The following TBX1 variants were observed in gnomAD, a reference collection of about 807,000 sequenced individuals.
TBX1 encodes T-box transcription factor 1.
TBX1 carries 16 observed loss-of-function variants against 40.8 expected under a neutral mutation model. That is an observed-to-expected ratio of 0.39 (90% CI 0.27 to 0.60). The LOEUF (loss-of-function observed/expected upper bound fraction) is 0.60, where lower values mean the gene tolerates loss of function less well. Among genes scored for constraint, TBX1 ranks in the 20% least tolerant of loss-of-function variants. TBX1 has a pLI of 0.51. For synonymous variants in TBX1, 403 were observed against 336.8 expected (o/e 1.20, Z -2.15); for missense variants, 755 against 728.5 (o/e 1.04, Z -0.42).
chr22:19,763,386 G>A (rs1936731085), intron 2 of TBX1, 44 bp downstream of exon 2: 1 of 1,589,164 alleles, frequency 6.3e-7, no homozygotes, highest in Non-Finnish European at 8.6e-7. Flanking sequence ...AGGGCACCCT[G>A]GAAAGTGGCG....
At chr22:19,772,398 G>A (rs771768957) in intron 8 of TBX1, among the ~76,000 whole-genome samples, 27 of 152,068 alleles carry the variant, frequency 1.8e-4, no homozygotes, top group African/African-American at 1.7e-4. Flanking sequence ...CTCGAACTCC[G>A]GGGCTCAAGC....
Position 19,766,887 on chromosome 22 carries a change from C to T in TBX1, c.*20C>T, listed in dbSNP as rs1235786997. On this transcript the variant is annotated 3_prime_UTR_variant, in exon 7 of 7. Coordinates refer to ENST00000649276, the MANE Select transcript of TBX1 (RefSeq NM_001379200.1). ...AGATAACACGGGCCCTGTCGCGCTC[C>T]CGCCCCGGTCCTGCACAGCCCCGAA... The T allele has an allele frequency of 1.9e-6, 3 of 1,583,308 alleles. No homozygotes were observed. Among genetic ancestry groups the T allele is most frequent in the Non-Finnish European group, 2.6e-6 (3 of 1,173,036 alleles).
At position 19,761,171 on chromosome 22, in the gene TBX1, G is replaced by A. The variant is rs1221938042; in HGVS notation, c.328G>A (p.Val110Met). The A allele has an allele frequency of 2.0e-6, 3 of 1,528,308 alleles. No individual in the cohort carries two copies. Among genetic ancestry groups the A allele is most frequent in the Non-Finnish European group, 1.8e-6 (2 of 1,134,596 alleles). The allele number at this position is 1,528,308 out of a possible 1,614,324, so 94.7% of individuals were successfully genotyped here. The change falls in exon 1 of 7, where the codon GTG becomes ATG. Residue 110 changes from valine to methionine, a missense_variant. Coordinates refer to ENST00000649276, the MANE Select transcript of TBX1 (RefSeq NM_001379200.1). ...CTGCGCGGCCGCAGCCAAGGCGCCG[G>A]TGAAGAAGAACGCGAAGGTGGCCGG... ...ASCAAAAKAP[V>M]KKNAKVAGVS...
chr22:19,759,209 A>C (rs766879318), upstream of TBX1, among the ~76,000 whole-genome samples: 1 of 152,216 alleles, frequency 6.6e-6, no homozygotes, highest in Non-Finnish European at 1.5e-5. Flanking sequence ...GGGATGTTCA[A>C]GGGGCGTTGG....
downstream of TBX1, among the ~76,000 whole-genome samples, chr22:19,768,927 G>T (rs1477451352): frequency 6.8e-6 from 1 of 147,382 alleles, no homozygotes; most frequent in African/African-American, 2.5e-5. Context: ...CAGGGCCGCC[G>T]CTGGCCATCC....
In TBX1 at chr22:19,763,304, G is replaced by A. The variant is rs769796903; in HGVS notation, c.501G>A (p.Leu167=). Residue 167 remains leucine (L), a synonymous_variant, in exon 2 of 7, where the codon CTG becomes CTA. Coordinates refer to ENST00000649276, the MANE Select transcript of TBX1 (RefSeq NM_001379200.1). ...FGMDPMADYM[L]LMDFVPVDDK... is the part of the protein sequence containing the mutation. ...TGGATCCCATGGCCGACTATATGCT[G>A]CTCATGGACTTCGTGCCGGTGGACG... The A allele has an allele frequency of 1.2e-6, 2 of 1,614,226 alleles. No homozygotes were observed. The highest frequency in any genetic ancestry group is 1.7e-5 in the Admixed American group (1 of 60,030).
Position 19,767,191 on chromosome 22 carries a change from G to T in TBX1, c.*324G>T. 9.0e-7 allele frequency: 1 copy of T among 1,116,654 alleles called. No homozygotes were observed. The highest frequency in any genetic ancestry group is 1.1e-6 in the Non-Finnish European group (1 of 914,854). The allele number at this position is 1,116,654 out of a possible 1,614,324, so 69.2% of individuals were successfully genotyped here. ...GATATTTATTGTTCTCCCCGAGACCGCGTCGCCCGCGGCCCGGCCGGCAGT... is the reference window on the plus strand; with the variant it reads ...GATATTTATTGTTCTCCCCGAGACCTCGTCGCCCGCGGCCCGGCCGGCAGT... On this transcript the variant is annotated 3_prime_UTR_variant, in exon 7 of 7. Coordinates refer to ENST00000649276, the MANE Select transcript of TBX1 (RefSeq NM_001379200.1).
chr22:19,763,363 G>T lies in TBX1; in HGVS notation c.539+21G>T, dbSNP rs768559604. 3.7e-6 allele frequency: 6 copies of T among 1,612,216 alleles called. No homozygotes were observed. The African/African-American group carries it at 8.0e-5, about 22-fold the overall frequency. The stretch of plus-strand genomic sequence containing the variant: ...TACCGGTGAGCGAGTGGTTGTAAGC[G>T]TGAGGGACCGGGAGGGCACCCTGGA... On this transcript the variant is annotated intron_variant, in intron 2 of 6. Transcript: ENST00000649276.
chr22:19,757,035 G>A (rs1018105237), upstream of TBX1, among the ~76,000 whole-genome samples: 1 of 152,174 alleles, frequency 6.6e-6, no homozygotes, highest in Non-Finnish European at 1.5e-5. Context: ...AGGCTGGGAC[G>A]GCCTCGCGCT....
rs777313046 is a variant in TBX1 at position 19,766,792 on chromosome 22, A to C, written c.1440A>C (p.Ala480=). The change falls in exon 7 of 7, where the codon GCA becomes GCC. Residue 480 remains alanine, a synonymous_variant. Transcript: ENST00000649276. ...PAAAAAAAAA[A]AAAAANMYSS... ...CCGCGGCCGCCGCCGCCGCTGCCGCAGCTGCCGCGGCCGCCAACATGTACT... is the reference window on the plus strand; with the variant it reads ...CCGCGGCCGCCGCCGCCGCTGCCGCCGCTGCCGCGGCCGCCAACATGTACT... 3.0e-5 allele frequency: 45 copies of C among 1,495,798 alleles called. No individual in the cohort carries two copies. In the East Asian group the frequency reaches 3.6e-4, roughly 12 times the overall value. The allele number at this position is 1,495,798 out of a possible 1,614,324, so 92.7% of individuals were successfully genotyped here.
In TBX1 at chr22:19,767,150, GGA is replaced by G. The variant is rs1338329437; in HGVS notation, c.*285_*286del. The G allele has an allele frequency of 1.6e-5, 20 of 1,239,190 alleles. No individual in the cohort carries two copies. The highest frequency in any genetic ancestry group is 1.9e-5 in the Non-Finnish European group (19 of 991,128). 76.8% of individuals were successfully genotyped at this position (1,239,190 alleles called of 1,614,324 possible). ...CCCGCCAGTGCCAAAGCGCCCGGTC[GGA>G]GGCGGAAGGAAGTGATATTTATTGT... On this transcript the variant is annotated 3_prime_UTR_variant, in exon 7 of 7. Transcript: ENST00000649276.
downstream of TBX1, chr22:19,782,785 C>G: frequency 6.5e-7 from 1 of 1,541,420 alleles, no homozygotes; most frequent in Non-Finnish European, 8.9e-7. Context: ...GGGGCCTCAG[C>G]TGTCTGTGTT....
Position 19,767,257 on chromosome 22 carries a change from T to C in TBX1, c.*390T>C, listed in dbSNP as rs1601296035. 1.9e-6 allele frequency: 2 copies of C among 1,029,082 alleles called. No homozygotes were observed. Among genetic ancestry groups the C allele is most frequent in the East Asian group, 1.9e-4 (2 of 10,668 alleles). The allele number at this position is 1,029,082 out of a possible 1,614,324, so 63.7% of individuals were successfully genotyped here. On this transcript the variant is annotated 3_prime_UTR_variant, in exon 7 of 7. Transcript: ENST00000649276. ...CCGAGAGCCCCGCCTGCAGGCGGTGTAGATACATGTAGATACTGTAGATAC... is the reference window on the plus strand; with the variant it reads ...CCGAGAGCCCCGCCTGCAGGCGGTGCAGATACATGTAGATACTGTAGATAC...
chr22:19,758,711 G>A (rs1353494821), upstream of TBX1, among the ~76,000 whole-genome samples: 1 of 152,120 alleles, frequency 6.6e-6, no homozygotes, highest in Non-Finnish European at 1.5e-5. Context: ...GGAGGTCGGA[G>A]GAGCGGGCAC....
At chr22:19,773,089 G>A (rs1047764915) in intron 8 of TBX1, among the ~76,000 whole-genome samples, 2 of 152,242 alleles carry the variant, frequency 1.3e-5, no homozygotes, top group Middle Eastern at 3.2e-3. Context: ...CGGATTCAGA[G>A]CTTACGAGCA....
At chr22:19,768,258 G>A (rs8140145), downstream of TBX1, among the ~76,000 whole-genome samples, 661 of 152,342 alleles carry the variant, frequency 4.3e-3, 1 homozygote, top group African/African-American at 0.015. Context: ...ATCACCCCAC[G>A]TGGTAGCGGC....
At chr22:19,767,971 G>A (rs1003665264), downstream of TBX1, among the ~76,000 whole-genome samples, 1 of 152,206 alleles carries the variant, frequency 6.6e-6, no homozygotes, top group Non-Finnish European at 1.5e-5. Flanking sequence ...CAGTAGCCAT[G>A]AGTCATCTTG....
At position 19,776,870 on chromosome 22, in the gene TBX1, C is replaced by T. The variant is rs193006145; in HGVS notation, c.1010-2350C>T. On this transcript the variant is annotated intron_variant, in intron 8 of 8. Coordinates refer to the TBX1 transcript ENST00000329705. ...GGAAGGAAGCAGGCTCGGGAGGTGC[C>T]GTGCCGCGTGGCTCTGTTTATAAGC... 8.8e-4 allele frequency among the ~76,000 whole-genome samples: 134 copies of T among 152,066 alleles called. 1 individual carries two copies. Among genetic ancestry groups the T allele is most frequent in the Admixed American group, 2.8e-3 (43 of 15,274 alleles).
chr22:19,783,103 G>A, downstream of TBX1: 2 of 772,136 alleles, frequency 2.6e-6, no homozygotes, highest in Non-Finnish European at 2.4e-6. Flanking sequence ...AAGAGGCTGT[G>A]ATGGAAGCGA....
Sources: allele counts gnomAD v4.1 joint callset (sites outside exome capture counted in the v4.1 genomes callset), GRCh38; gene constraint gnomAD v4.1.1; transcripts MANE v1.5; gene names NCBI Gene and HGNC (gene_info 2026-07-23, HGNC 2026-07-21).